GSR: variants seen among roughly 807,000 people sequenced by gnomAD.
GSR encodes the protein glutathione reductase, mitochondrial.
Under a neutral mutation model 56.5 loss-of-function variants are expected in GSR, and 48 were observed. That is an observed-to-expected ratio of 0.85 (90% CI 0.67 to 1.08). GSR has a LOEUF of 1.08. Ranked by LOEUF, GSR falls within the 50% of genes least tolerant of loss-of-function variation. The pLI is 0.00. For missense variants in GSR, 694 were observed against 703.3 expected (o/e 0.99, Z 0.15); for synonymous variants, 264 against 270.8 (o/e 0.97, Z 0.25).
At chr8:30,698,333 T>C (rs1368722692) in intron 6 of GSR, among the ~76,000 whole-genome samples, 1 of 152,212 alleles carries the variant, frequency 6.6e-6, no homozygotes, top group African/African-American at 2.4e-5. Context: ...TGAAACTTCT[T>C]TGAGGGTGAG....
intron 11 of GSR, among the ~76,000 whole-genome samples, chr8:30,681,546 A>G (rs571058089): frequency 6.6e-6 from 1 of 152,160 alleles, no homozygotes; most frequent in South Asian, 2.1e-4. Context: ...AAAAAAGAAA[A>G]TGATACTCGG....
At chr8:30,691,552 G>T (rs1392191607) in intron 8 of GSR, among the ~76,000 whole-genome samples, 1 of 150,882 alleles carries the variant, frequency 6.6e-6, no homozygotes, top group Non-Finnish European at 1.5e-5. Context: ...ATGGTGGTGC[G>T]TGACTGTAAT....
intron 1 of GSR, among the ~76,000 whole-genome samples, chr8:30,713,763 T>C (rs1804236963): frequency 6.6e-6 from 1 of 152,222 alleles, no homozygotes; most frequent in East Asian, 1.9e-4. Context: ...ATAACTAGTG[T>C]TAGCAAACAT....
At chr8:30,720,391 T>G (rs1313082900) in intron 1 of GSR, among the ~76,000 whole-genome samples, 1 of 152,192 alleles carries the variant, frequency 6.6e-6, no homozygotes, top group Admixed American at 6.5e-5. Flanking sequence ...TATCGATTTA[T>G]CAACTCAATT....
In GSR at chr8:30,708,088, T is replaced by G; in HGVS notation, c.476A>C (p.Gln159Pro). ...AYVSRLNAIY[Q>P]NNLTKSHIEI... Reference sequence around the variant, plus strand: ...CATACACACCTTGGTGAGATTGTTTTGATAGATGGCATTCAGGCGGCTCAC... The same window carrying G: ...CATACACACCTTGGTGAGATTGTTTGGATAGATGGCATTCAGGCGGCTCAC... The change falls in exon 4 of 13, where the codon CAA becomes CCA. Residue 159 changes from glutamine (Q) to proline (P), a missense_variant. Physicochemically the swap from Gln to Pro is moderately conservative, Grantham distance 76 (BLOSUM62 -1). Coordinates refer to ENST00000221130, the MANE Select transcript of GSR (RefSeq NM_000637.5). 1 of 1,613,068 alleles carries G rather than the reference T, an allele frequency of 6.2e-7. No individual in the cohort carries two copies. The highest frequency in any genetic ancestry group is 8.5e-7 in the Non-Finnish European group (1 of 1,179,008).
intron 8 of GSR, among the ~76,000 whole-genome samples, chr8:30,691,933 T>A (rs568811994): frequency 1.3e-5 from 2 of 151,662 alleles, no homozygotes; most frequent in East Asian, 3.9e-4. Context: ...ACCCTATCTT[T>A]ACAAAAAATA....
intron 4 of GSR, among the ~76,000 whole-genome samples, chr8:30,703,814 G>C (rs1803830346): frequency 6.7e-6 from 1 of 150,274 alleles, no homozygotes; most frequent in African/African-American, 2.5e-5. Context: ...GAGGAGAAGA[G>C]GGAGGAGGAG....
Position 30,679,454 on chromosome 8 carries a change from G to A in GSR, c.*66C>T. 1 of 1,432,408 alleles carries A rather than the reference G, an allele frequency of 7.0e-7. No homozygotes were observed. The highest frequency in any genetic ancestry group is 1.2e-5 in the South Asian group (1 of 86,374). 88.7% of individuals were successfully genotyped at this position (1,432,408 alleles called of 1,614,324 possible). On this transcript the variant is annotated 3_prime_UTR_variant, in exon 13 of 13. Transcript: ENST00000221130. The stretch of plus-strand genomic sequence containing the variant: ...CATAAAACTCAAACAGTAAGTCAAT[G>A]TGATTATTTGTTTCATTTCAGAAGA...
In GSR at chr8:30,679,247, G is replaced by GAAA; in HGVS notation, c.*270_*272dup. On this transcript the variant is annotated 3_prime_UTR_variant, in exon 13 of 13. Transcript: ENST00000221130. ...TTATATTTGGGATGAGGCTAAAACA[G>GAAA]AAAAAAAAAACTAGCACAGAGCTGT... The GAAA allele has an allele frequency of 2.6e-6, 1 of 383,366 alleles. No homozygotes were observed. Among genetic ancestry groups the GAAA allele is most frequent in the Non-Finnish European group, 4.7e-6 (1 of 214,418 alleles). The allele number at this position is 383,366 out of a possible 1,614,324, so 23.7% of individuals were successfully genotyped here.
At chr8:30,688,269 T>C (rs1803228594) in intron 9 of GSR, among the ~76,000 whole-genome samples, 1 of 152,010 alleles carries the variant, frequency 6.6e-6, no homozygotes. Context: ...GGGAGGCCAA[T>C]AGGAAACTAG....
rs751102377 is a variant in GSR, at chr8:30,708,083, T to A, written c.481A>T (p.Asn161Tyr). The A allele has an allele frequency of 6.2e-7, 1 of 1,612,518 alleles. No individual in the cohort carries two copies. The highest frequency in any genetic ancestry group is 8.5e-7 in the Non-Finnish European group (1 of 1,178,508). ...CCCAGCATACACACCTTGGTGAGAT[T>A]GTTTTGATAGATGGCATTCAGGCGG... ...VSRLNAIYQN[N>Y]LTKSHIEIIR... Residue 161 changes from asparagine (N) to tyrosine (Y), a missense_variant, in exon 4 of 13, where the codon AAT becomes TAT. By Grantham distance (143) the Asn-to-Tyr change is moderately radical. Transcript: ENST00000221130.
At chr8:30,680,358 A>G (rs1001971494) in intron 12 of GSR, among the ~76,000 whole-genome samples, 1 of 144,594 alleles carries the variant, frequency 6.9e-6, no homozygotes, top group Non-Finnish European at 1.5e-5. Context: ...CGTGAGCCAC[A>G]GCGCCTGGCC....
intron 6 of GSR, among the ~76,000 whole-genome samples, chr8:30,697,715 CAG>C (rs1803597592): frequency 6.6e-6 from 1 of 152,144 alleles, no homozygotes; most frequent in Non-Finnish European, 1.5e-5. Flanking sequence ...CTCATTTCTT[CAG>C]AGAGGAAAAA....
At chr8:30,720,137 C>T (rs923749641) in intron 1 of GSR, among the ~76,000 whole-genome samples, 3 of 152,054 alleles carry the variant, frequency 2.0e-5, no homozygotes, top group Non-Finnish European at 4.4e-5. Context: ...TCGTTTGAGC[C>T]CAGGAGTTTG....
intron 8 of GSR, 117 bp from the exon 9 acceptor site, chr8:30,689,436 T>C: frequency 1.2e-6 from 1 of 858,994 alleles, no homozygotes; most frequent in Non-Finnish European, 2.0e-6. Flanking sequence ...CCCTACTGAA[T>C]CCCACATACA....
rs8190968 is a variant in GSR at position 30,704,008 on chromosome 8, G to A, written c.493-768C>T. On this transcript the variant is annotated intron_variant, in intron 4 of 12. Coordinates refer to ENST00000221130, the MANE Select transcript of GSR (RefSeq NM_000637.5). The stretch of plus-strand genomic sequence containing the variant: ...AGAATTGAGGGCGAAAGTTCCTTAT[G>A]TGCAATGTAATCACATTACAGAATG... Among the ~76,000 whole-genome samples the A allele has an allele frequency of 5.1e-3, 782 of 152,194 alleles. 6 individuals carry two copies. The highest frequency in any genetic ancestry group is 0.018 in the African/African-American group (736 of 41,556).
In GSR at chr8:30,693,029, G is replaced by C. The variant is rs745744372; in HGVS notation, c.822C>G (p.Ile274Met). ...CCAGCTCCTCCGTGCAGTTGGTGCT[G>C]ATCATTGAATCAAAACTTCTAAGTA... The part of the protein sequence containing the change: ...DKVLRSFDSM[I>M]STNCTEELEN... Residue 274 changes from isoleucine (I) to methionine (M), a missense_variant, in exon 8 of 13, where the codon ATC becomes ATG. By Grantham distance (10) the Ile-to-Met change is conservative. Transcript: ENST00000221130. 6 of 1,611,614 alleles carry C rather than the reference G, an allele frequency of 3.7e-6. No individual in the cohort carries two copies. In the South Asian group the frequency reaches 6.6e-5, roughly 18 times the overall value.
chr8:30,719,106 T>A lies in GSR; in HGVS notation c.307-7018A>T, dbSNP rs1291954448. Reference sequence around the variant, plus strand: ...CACCACGCCCAGCTAATTTTTAAATTTTTTTTTTTTTTTTTTTTTGAGACG... The same window carrying A: ...CACCACGCCCAGCTAATTTTTAAATATTTTTTTTTTTTTTTTTTTGAGACG... On this transcript the variant is annotated intron_variant, in intron 1 of 12. Coordinates refer to ENST00000221130, the MANE Select transcript of GSR (RefSeq NM_000637.5). Among the ~76,000 whole-genome samples the A allele has an allele frequency of 4.1e-3, 10 of 2,414 alleles. No homozygotes were observed. In the East Asian group the frequency reaches 0.23, roughly 56 times the overall value. The allele number at this position is 2,414 out of a possible 152,430, so 1.6% of individuals were successfully genotyped here.
rs1474085625 is a variant in GSR, at chr8:30,727,683, C to T, written c.153G>A (p.Gln51=). The T allele has an allele frequency of 1.4e-6, 2 of 1,438,624 alleles. No individual in the cohort carries two copies. Among genetic ancestry groups the T allele is most frequent in the Non-Finnish European group, 1.8e-6 (2 of 1,105,552 alleles). 89.1% of individuals were successfully genotyped at this position (1,438,624 alleles called of 1,614,324 possible). A position where few individuals can be genotyped will look rare whatever the true frequency, so the allele number is the denominator to read the frequency against. Residue 51 remains glutamine, a synonymous_variant, in exon 1 of 13, where the codon CAG becomes CAA. Transcript: ENST00000221130. ...CAGCAGCGGGCGGCGGGCCCTGCGG[C>T]TGCGGCTCCTGCCTGCAGGCCATGG... ...SRAMACRQEP[Q]PQGPPPAAGA...
Sources: gnomAD v4.1 joint callset for allele counts (sites outside exome capture counted in the v4.1 genomes callset) on GRCh38, gnomAD v4.1.1 for gene constraint, MANE v1.5 for transcripts, NCBI Gene and HGNC (gene_info 2026-07-23, HGNC 2026-07-21) for gene names.